The following OR9Q1 variants were observed in gnomAD, a reference collection of about 807,000 sequenced individuals.
OR9Q1 encodes the protein olfactory receptor family 9 subfamily Q member 1.
For synonymous variants in OR9Q1, 153 were observed against 148.6 expected (o/e 1.03, Z -0.22); for missense variants, 374 against 378.8 (o/e 0.99, Z 0.11).
chr11:58,069,094 G>A (rs2120014539), intron 2 of OR9Q1, among the ~76,000 whole-genome samples: 1 of 152,120 alleles, frequency 6.6e-6, no homozygotes, highest in East Asian at 1.9e-4. Flanking sequence ...GTTACCTGGG[G>A]GTGTCCACTC....
chr11:58,037,918 A>G (rs1382036939), intron 1 of OR9Q1, among the ~76,000 whole-genome samples: 17 of 141,732 alleles, frequency 1.2e-4, no homozygotes, highest in Admixed American at 9.1e-4. Flanking sequence ...TTTTTAGTAG[A>G]GACGGGGTTT....
chr11:58,031,736 A>G (rs1853042443), intron 1 of OR9Q1: 1 of 1,613,856 alleles, frequency 6.2e-7, no homozygotes, highest in Admixed American at 1.7e-5. Context: ...TCTTTTCTTT[A>G]TGTATGTCCA....
intron 2 of OR9Q1, among the ~76,000 whole-genome samples, chr11:58,080,606 C>T (rs1182302647): frequency 6.6e-6 from 1 of 152,118 alleles, no homozygotes; most frequent in Admixed American, 6.6e-5. Context: ...ACATTTCCAC[C>T]AACGCATATA....
intron 2 of OR9Q1, 105 bp from the exon 3 acceptor site, chr11:58,179,326 C>T: frequency 1.4e-6 from 1 of 706,016 alleles, no homozygotes; most frequent in South Asian, 2.1e-5. Flanking sequence ...ACCTGGCACA[C>T]CTGGCATATT....
chr11:58,077,613 A>G (rs2120033563), intron 2 of OR9Q1: 1 of 152,324 alleles, frequency 6.6e-6, no homozygotes, highest in Non-Finnish European at 1.5e-5. Flanking sequence ...TTTCATCCTC[A>G]AAGCCCTGAT....
intron 2 of OR9Q1, among the ~76,000 whole-genome samples, chr11:58,084,643 A>C (rs1181595024): frequency 6.6e-6 from 1 of 151,946 alleles, no homozygotes; most frequent in East Asian, 1.9e-4. Flanking sequence ...CAACATACAC[A>C]AATCAATAAA....
At chr11:58,139,076 G>A (rs1237893922) in intron 2 of OR9Q1, among the ~76,000 whole-genome samples, 3 of 152,098 alleles carry the variant, frequency 2.0e-5, no homozygotes, top group Admixed American at 6.6e-5. Context: ...AAGAAAGGAA[G>A]AGGGTAAAAG....
At chr11:58,162,642 C>A (rs1201453262) in intron 2 of OR9Q1, among the ~76,000 whole-genome samples, 1 of 152,140 alleles carries the variant, frequency 6.6e-6, no homozygotes, top group Non-Finnish European at 1.5e-5. Context: ...TTATTTAATA[C>A]CTTCTTTCTG....
At chr11:58,149,712 T>C (rs1251315838) in intron 2 of OR9Q1, among the ~76,000 whole-genome samples, 1 of 152,210 alleles carries the variant, frequency 6.6e-6, no homozygotes, top group Non-Finnish European at 1.5e-5. Flanking sequence ...AATCATATAA[T>C]ATTTGTGTTT....
chr11:58,085,337 T>C (rs970772406), intron 2 of OR9Q1, among the ~76,000 whole-genome samples: 2 of 151,874 alleles, frequency 1.3e-5, no homozygotes, highest in African/African-American at 4.9e-5. Flanking sequence ...ATCAAGGCAA[T>C]CAATGTATTA....
rs1318581223 is a variant in OR9Q1, at chr11:58,158,425, T to C, written c.-14-21006T>C. ...AAACATAGCCGCCTAGGTCTGCTTT[T>C]TTTTTTTTTTTTTTTTAACATATTT... On this transcript the variant is annotated intron_variant, in intron 2 of 2. Coordinates refer to ENST00000335397, the MANE Select transcript of OR9Q1 (RefSeq NM_001005212.4). 3.6e-5 allele frequency among the ~76,000 whole-genome samples: 5 copies of C among 139,632 alleles called. No individual in the cohort carries two copies. The East Asian group carries it at 1.0e-3, about 28-fold the overall frequency. 91.6% of individuals were successfully genotyped at this position (139,632 alleles called of 152,430 possible).
intron 2 of OR9Q1, chr11:58,118,458 G>T: frequency 1.5e-6 from 2 of 1,297,828 alleles, no homozygotes; most frequent in South Asian, 1.4e-5. Context: ...ATATTCATAT[G>T]GGAAGAAAGT....
At chr11:58,130,003 C>T (rs1362647781) in intron 2 of OR9Q1, among the ~76,000 whole-genome samples, 1 of 152,048 alleles carries the variant, frequency 6.6e-6, no homozygotes, top group African/African-American at 2.4e-5. Flanking sequence ...TGCCATGGTG[C>T]TTTGCCATAC....
chr11:58,053,675 A>AT (rs1853298094), intron 1 of OR9Q1, among the ~76,000 whole-genome samples: 1 of 143,532 alleles, frequency 7.0e-6, no homozygotes, highest in Non-Finnish European at 1.5e-5. Context: ...TATATATAAA[A>AT]TAAAAATATT....
chr11:58,087,974 G>A (rs968687817), intron 2 of OR9Q1, among the ~76,000 whole-genome samples: 14 of 151,584 alleles, frequency 9.2e-5, no homozygotes, highest in African/African-American at 3.2e-4. Context: ...TGCAACCTCT[G>A]CCTCCTGGGT....
intron 2 of OR9Q1, among the ~76,000 whole-genome samples, chr11:58,091,660 C>T (rs2120065677): frequency 6.6e-6 from 1 of 152,058 alleles, no homozygotes; most frequent in South Asian, 2.1e-4. Context: ...TCTATTAGGC[C>T]CTCTTGGTGC....
At chr11:58,169,968 C>G in intron 2 of OR9Q1, among the ~76,000 whole-genome samples, 1 of 151,958 alleles carries the variant, frequency 6.6e-6, no homozygotes. Context: ...TTATGGCCCT[C>G]AGACTCCTTT....
intron 1 of OR9Q1, among the ~76,000 whole-genome samples, chr11:58,033,181 T>C (rs1853060589): frequency 6.6e-6 from 1 of 152,214 alleles, no homozygotes; most frequent in Non-Finnish European, 1.5e-5. Flanking sequence ...TTCAGCCACA[T>C]GGAAAGCAGT....
At chr11:58,141,064 T>C (rs1244439704) in intron 2 of OR9Q1, among the ~76,000 whole-genome samples, 3 of 152,220 alleles carry the variant, frequency 2.0e-5, no homozygotes, top group Non-Finnish European at 4.4e-5. Flanking sequence ...GAATGGGAGT[T>C]CACTCATGAT....
Sources: allele counts gnomAD v4.1 joint callset (sites outside exome capture counted in the v4.1 genomes callset), GRCh38; gene constraint gnomAD v4.1.1; transcripts MANE v1.5; gene names NCBI Gene and HGNC (gene_info 2026-07-23, HGNC 2026-07-21).